DOCK3: variants seen among roughly 807,000 people sequenced by gnomAD.
The protein encoded by DOCK3 is dedicator of cytokinesis protein 3.
In DOCK3, 60 loss-of-function variants were observed where a neutral mutation model predicts 265.6. The observed-to-expected ratio is 0.23, with a 90% CI of 0.18 to 0.28. The LOEUF (loss-of-function observed/expected upper bound fraction) is 0.28. DOCK3 is among the 10% of genes least tolerant of loss of function. The pLI is 1.00. For missense variants in DOCK3, 1,981 were observed against 2,594.3 expected (o/e 0.76, Z 5.14); for synonymous variants, 881 against 938.0 (o/e 0.94, Z 1.11).
At chr3:50,762,570 C>T (rs1321134879) in intron 1 of DOCK3, among the ~76,000 whole-genome samples, 1 of 152,118 alleles carries the variant, frequency 6.6e-6, no homozygotes, top group African/African-American at 2.4e-5. Context: ...ACCAATATTC[C>T]TACTAAAGAT....
At chr3:51,027,095 G>T (rs1333844110) in intron 5 of DOCK3, among the ~76,000 whole-genome samples, 1 of 152,060 alleles carries the variant, frequency 6.6e-6, no homozygotes, top group Non-Finnish European at 1.5e-5. Flanking sequence ...GCATTTAGGA[G>T]TATAAACTCC....
At chr3:50,945,725 A>G (rs71329026) in intron 5 of DOCK3, among the ~76,000 whole-genome samples, 1,965 of 152,250 alleles carry the variant, frequency 0.013, 15 homozygotes, top group Non-Finnish European at 0.02. Context: ...AAGAACATAC[A>G]TTTTTGCACC....
At chr3:51,321,449 C>A (rs553585205) in intron 32 of DOCK3, among the ~76,000 whole-genome samples, 1 of 152,252 alleles carries the variant, frequency 6.6e-6, no homozygotes, top group East Asian at 1.9e-4. Flanking sequence ...TCCTAGCCAG[C>A]AAGGGAACAA....
At chr3:50,816,323 C>CTTT (rs68016163) in intron 2 of DOCK3, among the ~76,000 whole-genome samples, 9 of 88,730 alleles carry the variant, frequency 1.0e-4, no homozygotes, top group African/African-American at 1.6e-4. Flanking sequence ...TCTTGTAACT[C>CTTT]TTTTTTTTTT....
chr3:50,945,600 A>G (rs989389459), intron 5 of DOCK3, among the ~76,000 whole-genome samples: 1 of 152,194 alleles, frequency 6.6e-6, no homozygotes, highest in African/African-American at 2.4e-5. Context: ...TCCCTGGAAG[A>G]TTAAATTTGC....
chr3:51,159,574 A>G (rs933777510), intron 11 of DOCK3, among the ~76,000 whole-genome samples: 3 of 152,142 alleles, frequency 2.0e-5, no homozygotes, highest in African/African-American at 7.2e-5. Context: ...TTTTTATTTA[A>G]AATGGTCTAC....
At chr3:50,693,506 C>T (rs964628352) in intron 1 of DOCK3, among the ~76,000 whole-genome samples, 15 of 135,780 alleles carry the variant, frequency 1.1e-4, no homozygotes, top group African/African-American at 3.2e-4. Context: ...TCTTCCTTTT[C>T]ATATTGTTCA....
chr3:51,242,588 T>G (rs909125182), intron 21 of DOCK3, among the ~76,000 whole-genome samples: 3 of 151,940 alleles, frequency 2.0e-5, no homozygotes, highest in African/African-American at 7.3e-5. Context: ...TGGTGATGGC[T>G]CAGGGTTGGG....
In DOCK3 at chr3:51,228,074, C is replaced by T. The variant is rs761632047; in HGVS notation, c.1633C>T (p.Leu545Phe). The change falls in exon 17 of 53, where the codon CTT becomes TTT. Residue 545 changes from leucine (L) to phenylalanine (F), a missense_variant. By Grantham distance (22) the Leu-to-Phe change is conservative. Coordinates refer to ENST00000266037, the MANE Select transcript of DOCK3 (RefSeq NM_004947.5). The stretch of plus-strand genomic sequence containing the variant: ...CACCCTCTCAGATGATATTCACGAG[C>T]TTTATGTGTACAAGGTATGAAGCCT... ...GTTLSDDIHE[L>F]YVYKCDENST... 6.2e-7 allele frequency: 1 copy of T among 1,613,992 alleles called. No homozygotes were observed. Among genetic ancestry groups the T allele is most frequent in the East Asian group, 2.2e-5 (1 of 44,880 alleles).
chr3:51,161,219 C>T (rs929423952), intron 12 of DOCK3, among the ~76,000 whole-genome samples: 8 of 151,872 alleles, frequency 5.3e-5, no homozygotes, highest in South Asian at 2.1e-4. Context: ...CCAAGGCAGG[C>T]GGATCACGAG....
At chr3:51,250,940 T>C (rs978760489) in intron 22 of DOCK3, among the ~76,000 whole-genome samples, 2 of 152,224 alleles carry the variant, frequency 1.3e-5, no homozygotes, top group Non-Finnish European at 2.9e-5. Context: ...TACATATGTA[T>C]CTATATGCCA....
intron 5 of DOCK3, among the ~76,000 whole-genome samples, chr3:51,016,978 A>ATGTT (rs113189118): frequency 0.9 from 102,308 of 113,294 alleles, 46,548 homozygotes; most frequent in African/African-American, 0.95. Context: ...ATATAAATAA[A>ATGTT]TGGTAAAATT....
intron 10 of DOCK3, among the ~76,000 whole-genome samples, chr3:51,149,460 G>A (rs942524086): frequency 3.3e-5 from 5 of 152,138 alleles, no homozygotes; most frequent in African/African-American, 4.8e-5. Flanking sequence ...CATTCAGTAC[G>A]ATATTGGCTG....
rs1214276972 is a variant in DOCK3 at position 51,375,781 on chromosome 3, G to A, written c.5446G>A (p.Val1816Met). 5 of 1,613,872 alleles carry A rather than the reference G, an allele frequency of 3.1e-6. No individual in the cohort carries two copies. The highest frequency in any genetic ancestry group is 3.4e-6 in the Non-Finnish European group (4 of 1,179,896). The stretch of plus-strand genomic sequence containing the variant: ...TTTCCAGCGAGCCCTGTTCCAGCAA[G>A]TGGTCGGAGCCTGCAAACCCTGCAG... ...PNFQRALFQQ[V>M]VGACKPCSDP... Residue 1816 changes from valine (V) to methionine (M), a missense_variant, in exon 51 of 53, where the codon GTG becomes ATG. Val to Met is a conservative substitution (Grantham distance 21). Coordinates refer to ENST00000266037, the MANE Select transcript of DOCK3 (RefSeq NM_004947.5).
chr3:51,262,147 A>C (rs1471346052), intron 23 of DOCK3, among the ~76,000 whole-genome samples: 1 of 152,200 alleles, frequency 6.6e-6, no homozygotes, highest in Non-Finnish European at 1.5e-5. Flanking sequence ...GGGATGACAG[A>C]CGCCTCATAC....
At chr3:51,013,128 G>T (rs1431843973) in intron 5 of DOCK3, among the ~76,000 whole-genome samples, 1 of 152,122 alleles carries the variant, frequency 6.6e-6, no homozygotes, top group South Asian at 2.1e-4. Flanking sequence ...TGTTATTACC[G>T]ACTTTCTGAA....
rs141620600 is a variant in DOCK3, at chr3:50,680,220, T to G, written c.37+4920T>G. On this transcript the variant is annotated intron_variant, in intron 1 of 52. Coordinates refer to ENST00000266037, the MANE Select transcript of DOCK3 (RefSeq NM_004947.5). ...CTATTTTTTTCTTTTTCTTTCTTTTTTTTTTTTTTTAGACAGAGTCTTGCC... is the reference window on the plus strand; with the variant it reads ...CTATTTTTTTCTTTTTCTTTCTTTTGTTTTTTTTTTAGACAGAGTCTTGCC... Among the ~76,000 whole-genome samples, 523 of 151,334 alleles carry G rather than the reference T, an allele frequency of 3.5e-3. 4 individuals are homozygous for G. The highest frequency in any genetic ancestry group is 0.012 in the African/African-American group (504 of 41,372).
At chr3:50,793,269 C>T (rs2042584806) in intron 2 of DOCK3, among the ~76,000 whole-genome samples, 1 of 151,226 alleles carries the variant, frequency 6.6e-6, no homozygotes. Context: ...TTTGCTGTTT[C>T]TAATTGTGTT....
At chr3:51,173,315 C>T (rs1167025104) in intron 12 of DOCK3, among the ~76,000 whole-genome samples, 1 of 152,030 alleles carries the variant, frequency 6.6e-6, no homozygotes. Context: ...GAGACTGGGT[C>T]ATATACCATG....
Sources: allele counts gnomAD v4.1 joint callset (sites outside exome capture counted in the v4.1 genomes callset), GRCh38; gene constraint gnomAD v4.1.1; transcripts MANE v1.5; gene names NCBI Gene and HGNC (gene_info 2026-07-23, HGNC 2026-07-21).